The following ABI2 variants were observed in gnomAD, a reference collection of about 807,000 sequenced individuals.
ABI2 encodes the protein abelson interactor 2.
In ABI2, 25 loss-of-function variants were observed where a neutral mutation model predicts 59.2. The ratio of observed to expected loss-of-function variants is 0.42; its 90% CI spans 0.31 to 0.59. The LOEUF (loss-of-function observed/expected upper bound fraction) is 0.59. ABI2 is among the 20% of genes least tolerant of loss of function. The pLI, the probability that ABI2 is intolerant of heterozygous loss-of-function variation, is 0.14. For missense variants in ABI2, 545 were observed against 681.8 expected (o/e 0.80, Z 2.23); for synonymous variants, 213 against 235.5 (o/e 0.90, Z 0.87).
chr2:203,416,388 C>G (rs915463178), intron 10 of ABI2, among the ~76,000 whole-genome samples: 1 of 152,060 alleles, frequency 6.6e-6, no homozygotes, highest in African/African-American at 2.4e-5. Flanking sequence ...CTCCACCTCC[C>G]CGGTTCCAGC....
rs1402325484 is a variant in ABI2 at position 203,394,717 on chromosome 2, G to T, written c.596G>T (p.Arg199Leu). ...TTTTGTAGGCGGCACTCCCCCTATC[G>T]CACACTGGAGCCAGTGCGTCCTCCA... The part of the protein sequence containing the change: ...KGTLGRHSPY[R>L]TLEPVRPPVV... The change falls in exon 6 of 12, where the codon CGC becomes CTC. Residue 199 changes from arginine to leucine, a missense_variant. Transcript: ENST00000261018. 2 of 1,613,854 alleles carry T rather than the reference G, an allele frequency of 1.2e-6. No individual in the cohort carries two copies. The highest frequency in any genetic ancestry group is 1.3e-5 in the African/African-American group (1 of 75,010).
chr2:203,401,284 A>C (rs1579483357), intron 8 of ABI2, among the ~76,000 whole-genome samples: 3 of 143,490 alleles, frequency 2.1e-5, no homozygotes. Context: ...GCCCTCCTCC[A>C]CCTTCATCTC....
intron 11 of ABI2, among the ~76,000 whole-genome samples, chr2:203,423,841 GTTTT>G (rs1485553270): frequency 6.6e-6 from 1 of 152,152 alleles, no homozygotes; most frequent in Non-Finnish European, 1.5e-5. Context: ...AAGCTAAGAA[GTTTT>G]TTTCAGTTTT....
intron 1 of ABI2, among the ~76,000 whole-genome samples, chr2:203,357,295 T>C (rs968898281): frequency 6.6e-6 from 1 of 152,192 alleles, no homozygotes; most frequent in Non-Finnish European, 1.5e-5. Context: ...TATAAATTAA[T>C]TATTTAAGAG....
chr2:203,344,068 G>A (rs921785455), intron 1 of ABI2, among the ~76,000 whole-genome samples: 9 of 152,200 alleles, frequency 5.9e-5, no homozygotes, highest in Admixed American at 5.9e-4. Flanking sequence ...AGGGTTGGAG[G>A]CTGCAGTGAC....
intron 11 of ABI2, 101 bp from the exon 12 acceptor site, chr2:203,427,076 T>C (rs2098444149): frequency 2.0e-6 from 2 of 994,100 alleles, no homozygotes; most frequent in Non-Finnish European, 3.0e-6. Flanking sequence ...CATGTTTGAG[T>C]GCTACAGGAT....
rs1305577961 is a variant in ABI2, at chr2:203,432,169, A to G, written c.*4817A>G. 1 of 152,216 alleles carries G rather than the reference A, an allele frequency of 6.6e-6. No individual in the cohort carries two copies. The highest frequency in any genetic ancestry group is 6.5e-5 in the Admixed American group (1 of 15,282). 9.4% of individuals were successfully genotyped at this position (152,216 alleles called of 1,614,324 possible). A position where few individuals can be genotyped will look rare whatever the true frequency, so the allele number is the denominator to read the frequency against. On this transcript the variant is annotated 3_prime_UTR_variant, in exon 12 of 12. Coordinates refer to ENST00000261018, the MANE Select transcript of ABI2 (RefSeq NM_001375670.1). ...ACCTAAATAAAATCCCACAAAGTATATTCAGGTGTCTTGTTAACTTATTTA... is the reference window on the plus strand; with the variant it reads ...ACCTAAATAAAATCCCACAAAGTATGTTCAGGTGTCTTGTTAACTTATTTA...
intron 1 of ABI2, among the ~76,000 whole-genome samples, chr2:203,364,666 A>T (rs953068815): frequency 6.6e-6 from 1 of 151,990 alleles, no homozygotes. Context: ...ATTATTCCTT[A>T]TAGTTGACTA....
Position 203,396,787 on chromosome 2 carries a change from C to T in ABI2, c.853C>T (p.Pro285Ser), listed in dbSNP as rs1053361991. ...CTCTTACTCCTCTTTCCCCTCAGCC[C>T]CTGCTGGCTCTGCTGGCACTCCTCC... ...TPSPPSVFPA[P>S]AGSAGTPPLP... The change falls in exon 8 of 12, where the codon CCT becomes TCT. Residue 285 changes from proline (P) to serine (S), a missense_variant and splice_region_variant. Coordinates refer to ENST00000261018, the MANE Select transcript of ABI2 (RefSeq NM_001375670.1). 2 of 1,528,792 alleles carry T rather than the reference C, an allele frequency of 1.3e-6. No homozygotes were observed. The highest frequency in any genetic ancestry group is 2.7e-5 in the African/African-American group (2 of 72,770). The allele number at this position is 1,528,792 out of a possible 1,614,324, so 94.7% of individuals were successfully genotyped here. A position where few individuals can be genotyped will look rare whatever the true frequency, so the allele number is the denominator to read the frequency against.
intron 1 of ABI2, among the ~76,000 whole-genome samples, chr2:203,338,926 G>A (rs868558245): frequency 0.01 from 27 of 2,582 alleles, 1 homozygote; most frequent in South Asian, 0.032. Flanking sequence ...GTGTGTGTGT[G>A]TGTATATGTA....
intron 2 of ABI2, chr2:203,376,177 C>T: frequency 7.0e-7 from 1 of 1,435,976 alleles, no homozygotes; most frequent in Non-Finnish European, 9.3e-7. Context: ...ATCTTTGGTT[C>T]TCAACCAGGG....
intron 1 of ABI2, among the ~76,000 whole-genome samples, chr2:203,329,827 C>T (rs932257176): frequency 2.6e-5 from 4 of 151,948 alleles, no homozygotes; most frequent in African/African-American, 9.7e-5. Context: ...ACCTCGGCCT[C>T]CTAGGTTTGA....
At chr2:203,371,899 A>ATTTTTCT (rs1237056615) in intron 2 of ABI2, among the ~76,000 whole-genome samples, 2 of 151,224 alleles carry the variant, frequency 1.3e-5, no homozygotes, top group Admixed American at 1.3e-4. Flanking sequence ...GTAAACTAAA[A>ATTTTTCT]TTTTTCTTTT....
chr2:203,392,314 C>CCACCAA lies in ABI2; in HGVS notation c.578+1173_578+1174insCCAACA, dbSNP rs1316028754. Among the ~76,000 whole-genome samples, 32 of 123,322 alleles carry CCACCAA rather than the reference C, an allele frequency of 2.6e-4. No homozygotes were observed. The East Asian group carries it at 4.9e-3, about 19-fold the overall frequency. 80.9% of individuals were successfully genotyped at this position (123,322 alleles called of 152,430 possible). ...ACCACCACCACCACCACCACCACCA[C>CCACCAA]CAACAACAACAACAACAACAACAAC... On this transcript the variant is annotated intron_variant, in intron 5 of 11. Transcript: ENST00000261018.
Position 203,394,808 on chromosome 2 carries a change from G to C in ABI2, c.687G>C (p.Val229=). The C allele has an allele frequency of 1.2e-6, 2 of 1,614,158 alleles. No individual in the cohort carries two copies. Among genetic ancestry groups the C allele is most frequent in the Admixed American group, 3.3e-5 (2 of 60,022 alleles). The change falls in exon 6 of 12, where the codon GTG becomes GTC. Residue 229 remains valine (V), a synonymous_variant. Transcript: ENST00000261018. Reference sequence around the variant, plus strand: ...TGGCTCCCTCGCAGCAGAGCCCTGTGAGGACAGCTTCTGTGAATCAAAGAA... The same window carrying C: ...TGGCTCCCTCGCAGCAGAGCCCTGTCAGGACAGCTTCTGTGAATCAAAGAA... ...RNMAPSQQSP[V]RTASVNQRNR...
chr2:203,374,067 G>C (rs191900747), intron 2 of ABI2, among the ~76,000 whole-genome samples: 1 of 152,308 alleles, frequency 6.6e-6, no homozygotes, highest in East Asian at 1.9e-4. Context: ...GCTGAGGCGG[G>C]AGTATCACTT....
At chr2:203,377,928 A>G (rs1367278840) in intron 2 of ABI2, among the ~76,000 whole-genome samples, 1 of 152,156 alleles carries the variant, frequency 6.6e-6, no homozygotes, top group East Asian at 1.9e-4. Flanking sequence ...TTTAATCCAA[A>G]TGTGATTAAT....
chr2:203,422,241 G>A (rs2098248305), intron 11 of ABI2, among the ~76,000 whole-genome samples: 1 of 145,780 alleles, frequency 6.9e-6, no homozygotes. Flanking sequence ...GAAGGCTGCA[G>A]TGAGCTGCGA....
rs990307723 is a variant in ABI2 at position 203,427,024 on chromosome 2, A to G, written c.1454-153A>G. ...TTGTATATGACTGGGTATTACTTAGAAAAAAAAACATGTAAGTTTTGGTTG... is the reference window on the plus strand; with the variant it reads ...TTGTATATGACTGGGTATTACTTAGGAAAAAAAACATGTAAGTTTTGGTTG... On this transcript the variant is annotated intron_variant, in intron 11 of 11. Transcript: ENST00000261018. Among the ~76,000 whole-genome samples the G allele has an allele frequency of 9.9e-5, 15 of 151,252 alleles. 1 individual carries two copies. The highest frequency in any genetic ancestry group is 1.5e-4 in the Non-Finnish European group (10 of 67,796).
Sources: allele counts gnomAD v4.1 joint callset (sites outside exome capture counted in the v4.1 genomes callset), GRCh38; gene constraint gnomAD v4.1.1; transcripts MANE v1.5; gene names NCBI Gene and HGNC (gene_info 2026-07-23, HGNC 2026-07-21).